Variants in VWF observed in about 807,000 individuals in gnomAD.
VWF encodes the protein Factor VIII related antigen.
A neutral mutation model predicts 308.6 loss-of-function variants in VWF; 176 were observed. The observed-to-expected ratio is 0.57, with a 90% confidence interval of 0.50 to 0.65. The LOEUF is 0.65. Ranked by LOEUF, VWF falls within the 30% of genes least tolerant of loss-of-function variation. VWF has a pLI of 0.00. For missense variants in VWF, 3,146 were observed against 3,648.2 expected, an observed-to-expected ratio of 0.86 and a Z score of 3.55; for synonymous variants, 1,385 against 1,443.4, an observed-to-expected ratio of 0.96 and a Z score of 0.92.
chr12:5,997,778 C>T (rs1943822436), intron 34 of VWF, among the ~76,000 whole-genome samples: 1 of 152,160 alleles, frequency 6.6e-6, no homozygotes, highest in Non-Finnish European at 1.5e-5. Flanking sequence ...TACCAAATTA[C>T]CTCCCAACAA....
At chr12:6,048,207 C>T (rs1187772653) in intron 16 of VWF, among the ~76,000 whole-genome samples, 1 of 152,244 alleles carries the variant, frequency 6.6e-6, no homozygotes. Flanking sequence ...CTCACTCTGT[C>T]ACCAGGCTGG....
intron 3 of VWF, among the ~76,000 whole-genome samples, chr12:6,116,539 G>A (rs985112658): frequency 6.6e-6 from 1 of 152,214 alleles, no homozygotes; most frequent in East Asian, 1.9e-4. Flanking sequence ...CTCCCCGGGG[G>A]AAGTGACTCA....
chr12:5,994,912 A>G (rs895459133), intron 35 of VWF, among the ~76,000 whole-genome samples: 19 of 152,178 alleles, frequency 1.2e-4, no homozygotes, highest in Non-Finnish European at 2.6e-4. Flanking sequence ...GGGAAGGGCA[A>G]TGCCTTTAAG....
Position 6,110,847 on chromosome 12 carries a change from T to G in VWF, c.323+19A>C. The G allele has an allele frequency of 6.2e-7, 1 of 1,612,152 alleles. No individual in the cohort carries two copies. The highest frequency in any genetic ancestry group is 8.5e-7 in the Non-Finnish European group (1 of 1,178,284). On this transcript the variant is annotated intron_variant, in intron 4 of 51. Transcript: ENST00000261405. ...GGGGATCCCTAGGGTCCTTTCTAAC[T>G]CAGACATTGTTGGCTTACCTTTGGT...
chr12:6,089,981 G>A (rs1441176792), intron 6 of VWF, among the ~76,000 whole-genome samples: 1 of 151,576 alleles, frequency 6.6e-6, no homozygotes, highest in Non-Finnish European at 1.5e-5. Flanking sequence ...TGTTTGAGAT[G>A]GAGTCTCGCT....
chr12:6,065,761 G>A (rs1944707451), intron 10 of VWF, among the ~76,000 whole-genome samples: 1 of 152,142 alleles, frequency 6.6e-6, no homozygotes, highest in Admixed American at 6.5e-5. Context: ...TGTCACCCCT[G>A]GAGAGTCCCT....
rs1944838724 is a variant in VWF at position 6,075,949 on chromosome 12, C to A, written c.658-398G>T. ...TTCTGCACTGACCTGTTCAGCTCCC[C>A]TCCCTGACCTTGATCTTCTTCACTA... is the stretch of plus-strand genomic sequence containing the variant. On this transcript the variant is annotated intron_variant, in intron 6 of 51. Transcript: ENST00000261405. This position sits in a 1 kb window ranked among gnomAD's most constrained non-coding sequence, Gnocchi z 4.7. Among the ~76,000 whole-genome samples, 1 of 152,218 alleles carries A rather than the reference C, an allele frequency of 6.6e-6. No homozygotes were observed. Among genetic ancestry groups the A allele is most frequent in the South Asian group, 2.1e-4 (1 of 4,834 alleles).
Position 6,031,415 on chromosome 12 carries a change from C to A in VWF, c.2820+29G>T, listed in dbSNP as rs768781080. 5.5e-5 allele frequency: 88 copies of A among 1,614,026 alleles called. No homozygotes were observed. The Admixed American group carries it at 1.4e-3, about 26-fold the overall frequency. ...TAAGTGGCAGAAGCACAAAGCGGGA[C>A]ATGAGGGTGGAGATGAGGCTGCACT... On this transcript the variant is annotated intron_variant, in intron 21 of 51. Transcript: ENST00000261405.
chr12:6,043,556 T>C (rs1490525451), intron 18 of VWF, among the ~76,000 whole-genome samples: 1 of 152,178 alleles, frequency 6.6e-6, no homozygotes, highest in African/African-American at 2.4e-5. Context: ...CTTCAGGATG[T>C]ATGCGTAATC....
chr12:6,104,538 G>GA (rs1324601505), intron 5 of VWF, among the ~76,000 whole-genome samples: 5 of 150,184 alleles, frequency 3.3e-5, no homozygotes, highest in South Asian at 2.1e-4. Flanking sequence ...AAATACAAAA[G>GA]AAAAAAAAAT....
chr12:5,965,484 C>T (rs12829220), intron 47 of VWF, among the ~76,000 whole-genome samples: 2,266 of 152,306 alleles, frequency 0.015, 32 homozygotes, highest in Non-Finnish European at 0.023. Context: ...TCCTCCGGGA[C>T]GCCTTTCCAG....
At chr12:6,064,446 A>G in intron 11 of VWF, 62 bp from the exon 12 acceptor site, 2 of 1,605,316 alleles carry the variant, frequency 1.2e-6, no homozygotes, top group Non-Finnish European at 8.5e-7. Context: ...TCCCCAGCCC[A>G]GGACCCTCTT....
chr12:5,975,912 G>A (rs1591838641), intron 43 of VWF, among the ~76,000 whole-genome samples, 199 bp downstream of exon 43: 1 of 152,024 alleles, frequency 6.6e-6, no homozygotes, highest in Non-Finnish European at 1.5e-5. Context: ...GGTCACTAAA[G>A]AACCTTTCTT....
In VWF at chr12:6,018,789, G is replaced by A. The variant is rs940143591; in HGVS notation, c.4629C>T (p.Ser1543=). 6.2e-6 allele frequency: 10 copies of A among 1,613,646 alleles called. No individual in the cohort carries two copies. Among genetic ancestry groups the A allele is most frequent in the Non-Finnish European group, 7.6e-6 (9 of 1,179,904 alleles). The change falls in exon 28 of 52, where the codon TCC becomes TCT. Residue 1543 remains serine, a synonymous_variant. Transcript: ENST00000261405. ...AGGGGTACTCCACAGTCACCATGTA[G>A]GAGTACTGCAGCACCGTGACGTGGA... ...DSIHVTVLQY[S]YMVTVEYPFS...
chr12:6,062,604 T>C (rs1005961541), intron 13 of VWF, among the ~76,000 whole-genome samples: 14 of 152,104 alleles, frequency 9.2e-5, no homozygotes, highest in Admixed American at 7.9e-4. Context: ...GCTCTTCCCT[T>C]ACTGCCCACA....
At position 5,985,060 on chromosome 12, in the gene VWF, G is replaced by T. The variant is rs543900335; in HGVS notation, c.6961C>A (p.Pro2321Thr). The T allele has an allele frequency of 3.1e-6, 5 of 1,614,056 alleles. No individual in the cohort carries two copies. Among genetic ancestry groups the T allele is most frequent in the Non-Finnish European group, 3.4e-6 (4 of 1,180,032 alleles). ...RLRQNADQCC[P>T]EYECVCDPVS... ...GGACACATACCACACTCATACTCGG[G>T]GCAGCACTGGTCTGCATTCTGGCGG... Residue 2321 changes from proline (P) to threonine (T), a missense_variant, in exon 40 of 52, where the codon CCC becomes ACC. By Grantham distance (38) the Pro-to-Thr change is conservative. Around this residue, in one of 3 missense-constraint regions of VWF, gnomAD observed 989 missense variants for 1,117.4 expected, o/e 0.89. Transcript: ENST00000261405.
rs3741908 is a variant in VWF, at chr12:6,022,016, A to C, written c.3558T>G (p.Leu1186=). Reference sequence around the variant, plus strand: ...CTTCAGGGTCAACGCAGGTCTGCAAAAGCTCATCCAGGATTTTCCCTGCAA... The same window carrying C: ...CTTCAGGGTCAACGCAGGTCTGCAACAGCTCATCCAGGATTTTCCCTGCAA... The part of the protein sequence containing the change: ...HCPPGKILDE[L]LQTCVDPEDC... The change falls in exon 27 of 52, where the codon CTT becomes CTG. Residue 1186 remains leucine (L), a synonymous_variant. Coordinates refer to ENST00000261405, the MANE Select transcript of VWF (RefSeq NM_000552.5). The C allele has an allele frequency of 3.4e-5, 55 of 1,614,146 alleles. 2 individuals carry two copies. In the East Asian group the frequency reaches 1.2e-3, roughly 35 times the overall value.
At chr12:5,982,680 C>A (rs1943620038) in intron 41 of VWF, among the ~76,000 whole-genome samples, 1 of 152,120 alleles carries the variant, frequency 6.6e-6, no homozygotes, top group Non-Finnish European at 1.5e-5. Context: ...AATTTGGTTT[C>A]TTGTCGTGTC....
At chr12:5,998,530 T>TAC (rs1943837830) in intron 34 of VWF, among the ~76,000 whole-genome samples, 2 of 105,116 alleles carry the variant, frequency 1.9e-5, no homozygotes, top group African/African-American at 7.5e-5. Context: ...TATATATATA[T>TAC]ATATGGTCAA....
Sources: gnomAD v4.1 joint callset for allele counts (sites outside exome capture counted in the v4.1 genomes callset) on GRCh38, gnomAD v4.1.1 for gene constraint, gnomAD v4.1.1 regional missense constraint, Gnocchi (gnomAD v3.1) non-coding constraint, MANE v1.5 for transcripts, NCBI Gene and HGNC (gene_info 2026-07-23, HGNC 2026-07-21) for gene names.